Variants in HHAT observed in about 807,000 individuals in gnomAD.
HHAT encodes hedgehog acyltransferase.
In HHAT, 47 loss-of-function variants were observed where a neutral mutation model predicts 70.8. The observed-to-expected ratio is 0.66, with a 90% confidence interval of 0.53 to 0.85. HHAT has a LOEUF of 0.85. Among genes scored for constraint, HHAT ranks in the 40% least tolerant of loss-of-function variants. The pLI is 0.00. For missense variants in HHAT, 609 were observed against 604.8 expected, an observed-to-expected ratio of 1.01 and a Z score of -0.07; for synonymous variants, 228 against 247.6, an observed-to-expected ratio of 0.92 and a Z score of 0.74.
At position 210,510,283 on chromosome 1, in the gene HHAT, T is replaced by C. The variant is rs150847221; in HGVS notation, c.1008-2870T>C. On this transcript the variant is annotated intron_variant, in intron 8 of 11. Transcript: ENST00000261458. ...GCACCTGGAAATGGAAAGAAATGAA[T>C]TGACTACCACATCACCCCCGGAGGC... 3.9e-5 allele frequency among the ~76,000 whole-genome samples: 6 copies of C among 152,244 alleles called. No homozygotes were observed. The East Asian group carries it at 9.6e-4, about 24-fold the overall frequency.
chr1:210,649,510 C>T (rs181623490), intron 11 of HHAT, among the ~76,000 whole-genome samples: 1 of 152,200 alleles, frequency 6.6e-6, no homozygotes, highest in Non-Finnish European at 1.5e-5. Context: ...CTAACACAGA[C>T]CTATATGACC....
At chr1:210,358,561 C>T (rs541982492) in intron 2 of HHAT, among the ~76,000 whole-genome samples, 28 of 152,302 alleles carry the variant, frequency 1.8e-4, no homozygotes, top group African/African-American at 6.0e-4. Context: ...AGTTGCTTAC[C>T]GCTAAATTCT....
chr1:210,377,171 G>A (rs543611478), intron 3 of HHAT, among the ~76,000 whole-genome samples: 5 of 152,172 alleles, frequency 3.3e-5, no homozygotes, highest in South Asian at 2.1e-4. Flanking sequence ...TGATATTCTG[G>A]GAAAGTGACA....
At chr1:210,586,679 A>G (rs1290292295) in intron 9 of HHAT, among the ~76,000 whole-genome samples, 1 of 152,188 alleles carries the variant, frequency 6.6e-6, no homozygotes, top group African/African-American at 2.4e-5. Context: ...TGTATTCAGA[A>G]AAGGATTTTT....
intron 1 of HHAT, among the ~76,000 whole-genome samples, chr1:210,341,439 T>G (rs1558312635): frequency 1.3e-5 from 2 of 152,228 alleles, no homozygotes; most frequent in African/African-American, 2.4e-5. Context: ...TGTTTCAGGC[T>G]TTGGCAAGGT....
Position 210,427,993 on chromosome 1 carries a change from T to TA in HHAT, c.856+9669dup, listed in dbSNP as rs775740553. Reference sequence around the variant, plus strand: ...GGTGCTCCTGTGTTGGGTGCATATATATTTAGGACAGTTAGATTTTCTTGC... The same window carrying TA: ...GGTGCTCCTGTGTTGGGTGCATATATAATTTAGGACAGTTAGATTTTCTTGC... On this transcript the variant is annotated intron_variant, in intron 7 of 11. Transcript: ENST00000261458. 3.7e-4 allele frequency among the ~76,000 whole-genome samples: 56 copies of TA among 152,122 alleles called. 1 individual carries two copies. The highest frequency in any genetic ancestry group is 1.2e-3 in the Admixed American group (19 of 15,262).
intron 8 of HHAT, among the ~76,000 whole-genome samples, chr1:210,500,199 A>C (rs1253817206): frequency 6.6e-6 from 1 of 152,240 alleles, no homozygotes; most frequent in Admixed American, 6.5e-5. Flanking sequence ...TTTTCAAACC[A>C]TAACGAACAG....
chr1:210,424,458 T>G (rs1490582735), intron 7 of HHAT, among the ~76,000 whole-genome samples: 2 of 151,998 alleles, frequency 1.3e-5, no homozygotes, highest in Admixed American at 1.3e-4. Context: ...CTCTCTGTGT[T>G]CAGGGGTACG....
At chr1:210,418,359 C>T (rs2092788393) in intron 7 of HHAT, 34 bp downstream of exon 7, 2 of 1,542,164 alleles carry the variant, frequency 1.3e-6, no homozygotes, top group Admixed American at 3.8e-5. Flanking sequence ...TGGGATGAGC[C>T]CCAATAGTCC....
At chr1:210,555,529 C>G (rs1009396350) in intron 9 of HHAT, among the ~76,000 whole-genome samples, 1 of 152,156 alleles carries the variant, frequency 6.6e-6, no homozygotes, top group Non-Finnish European at 1.5e-5. Flanking sequence ...GTGGGCATGA[C>G]ATAGAATAGT....
chr1:210,418,619 A>G lies in HHAT; in HGVS notation c.856+294A>G, dbSNP rs576197590. On this transcript the variant is annotated intron_variant, in intron 7 of 11. Transcript: ENST00000261458. The stretch of plus-strand genomic sequence containing the variant: ...GGTCCACATCTTCACAGCGTAGCCA[A>G]TATTGTGTTTAGCAGTAGAAGGCAG... Among the ~76,000 whole-genome samples, 26 of 152,250 alleles carry G rather than the reference A, an allele frequency of 1.7e-4. No homozygotes were observed. In the South Asian group the frequency reaches 3.3e-3, roughly 19 times the overall value.
At chr1:210,344,132 A>T (rs1361443651) in intron 1 of HHAT, among the ~76,000 whole-genome samples, 1 of 152,052 alleles carries the variant, frequency 6.6e-6, no homozygotes, top group Non-Finnish European at 1.5e-5. Context: ...TGTCAAGTGG[A>T]GACTATTTGG....
chr1:210,424,117 A>G (rs12133649), intron 7 of HHAT, among the ~76,000 whole-genome samples: 18,317 of 152,208 alleles, frequency 0.12, 1,305 homozygotes, highest in East Asian at 0.24. Context: ...TAAATCTATC[A>G]ATTGCTTTGA....
At chr1:210,456,840 G>A (rs777557643) in intron 7 of HHAT, among the ~76,000 whole-genome samples, 1 of 152,042 alleles carries the variant, frequency 6.6e-6, no homozygotes, top group East Asian at 1.9e-4. Flanking sequence ...TGCTTCTTTA[G>A]CCCCTCTGGC....
At chr1:210,353,243 G>C (rs950305624) in intron 2 of HHAT, among the ~76,000 whole-genome samples, 34 of 152,086 alleles carry the variant, frequency 2.2e-4, no homozygotes, top group Admixed American at 1.1e-3. Context: ...GCCCCTCTCT[G>C]TTTACATTTA....
intron 9 of HHAT, among the ~76,000 whole-genome samples, chr1:210,568,570 C>G (rs1189685195): frequency 6.6e-6 from 1 of 152,166 alleles, no homozygotes; most frequent in Non-Finnish European, 1.5e-5. Flanking sequence ...TGAAAGTATC[C>G]TCTATGGGGT....
At chr1:210,560,830 A>AC (rs2095615698) in intron 9 of HHAT, among the ~76,000 whole-genome samples, 1 of 144,328 alleles carries the variant, frequency 6.9e-6, no homozygotes, top group African/African-American at 2.7e-5. Flanking sequence ...AAAAAAAAAA[A>AC]AAAAAAAAAA....
rs140616248 is a variant in HHAT, at chr1:210,527,722, G to A, written c.1043+14534G>A. On this transcript the variant is annotated intron_variant, in intron 9 of 11. Coordinates refer to ENST00000261458, the MANE Select transcript of HHAT (RefSeq NM_018194.6). ...AATTTCCTTTGAGCACGTGACAGAG[G>A]ATGGTGCGCCAACAGGGTGGCCCTA... Among the ~76,000 whole-genome samples the A allele has an allele frequency of 2.6e-3, 392 of 152,324 alleles. 1 individual carries two copies. The highest frequency in any genetic ancestry group is 9.1e-3 in the African/African-American group (379 of 41,560).
Position 210,404,722 on chromosome 1 carries a change from C to T in HHAT, c.684+43C>T, listed in dbSNP as rs555603029. The T allele has an allele frequency of 3.9e-6, 6 of 1,519,316 alleles. No homozygotes were observed. In the South Asian group the frequency reaches 5.7e-5, roughly 14 times the overall value. 94.1% of individuals were successfully genotyped at this position (1,519,316 alleles called of 1,614,324 possible). On this transcript the variant is annotated intron_variant, in intron 6 of 11. Coordinates refer to ENST00000261458, the MANE Select transcript of HHAT (RefSeq NM_018194.6). The stretch of plus-strand genomic sequence containing the variant: ...TGGGATTGGGATTCTATAGCTTAAG[C>T]CTTTGTCGCTGTTGCTCTGGTCTTC...
Sources: allele counts gnomAD v4.1 joint callset (sites outside exome capture counted in the v4.1 genomes callset), GRCh38; gene constraint gnomAD v4.1.1; transcripts MANE v1.5; gene names NCBI Gene and HGNC (gene_info 2026-07-23, HGNC 2026-07-21).